SNTG1: variants seen among roughly 807,000 people sequenced by gnomAD.
SNTG1 encodes gamma-1-syntrophin.
In SNTG1, 39 loss-of-function variants were observed where a neutral mutation model predicts 74.7. The observed-to-expected ratio is 0.52, with a 90% confidence interval of 0.40 to 0.68. The LOEUF (loss-of-function observed/expected upper bound fraction) is 0.68. Ranked by LOEUF, SNTG1 falls within the 30% of genes least tolerant of loss-of-function variation. The pLI, the probability that SNTG1 is intolerant of heterozygous loss-of-function variation, is 0.00. For missense variants in SNTG1, 685 were observed against 609.5 expected (o/e 1.12, Z -1.30); for synonymous variants, 254 against 217.1 (o/e 1.17, Z -1.49).
At chr8:50,692,316 A>G (rs1241577377) in intron 15 of SNTG1, among the ~76,000 whole-genome samples, 1 of 152,098 alleles carries the variant, frequency 6.6e-6, no homozygotes, top group Non-Finnish European at 1.5e-5. Flanking sequence ...TTGGAGGAGG[A>G]GAGGCGCTCT....
chr8:50,352,272 C>G (rs182236419), intron 2 of SNTG1, among the ~76,000 whole-genome samples: 1 of 152,138 alleles, frequency 6.6e-6, no homozygotes, highest in Non-Finnish European at 1.5e-5. Flanking sequence ...TAATGTGTCC[C>G]TGTTTTAATT....
At chr8:50,510,124 AGGGTT>A (rs2094053949) in intron 9 of SNTG1, among the ~76,000 whole-genome samples, 1 of 152,114 alleles carries the variant, frequency 6.6e-6, no homozygotes, top group Non-Finnish European at 1.5e-5. Context: ...TTTAGCATGA[AGGGTT>A]GTTGAATTTT....
Position 49,986,825 on chromosome 8 carries a change from C to T in SNTG1, c.-103+74594C>T, listed in dbSNP as rs369740337. On this transcript the variant is annotated intron_variant, in intron 1 of 18. Transcript: ENST00000642720. Reference sequence around the variant, plus strand: ...GAACCCAGGAAGTCAAGGCCATGATCGTGCCACTGCACTCCACTTGGGCGT... The same window carrying T: ...GAACCCAGGAAGTCAAGGCCATGATTGTGCCACTGCACTCCACTTGGGCGT... Among the ~76,000 whole-genome samples, 19 of 152,048 alleles carry T rather than the reference C, an allele frequency of 1.2e-4. No individual in the cohort carries two copies. In the East Asian group the frequency reaches 3.7e-3, roughly 29 times the overall value.
chr8:50,036,732 G>A (rs1440853433), intron 1 of SNTG1, among the ~76,000 whole-genome samples: 1 of 152,134 alleles, frequency 6.6e-6, no homozygotes, highest in Non-Finnish European at 1.5e-5. Flanking sequence ...TGCATAAACA[G>A]GCTAAAAACC....
At chr8:50,582,674 A>G (rs1056179293) in intron 12 of SNTG1, among the ~76,000 whole-genome samples, 1 of 152,142 alleles carries the variant, frequency 6.6e-6, no homozygotes, top group African/African-American at 2.4e-5. Flanking sequence ...ATTCAAGCAT[A>G]ACATATTTTT....
At chr8:50,660,758 A>G (rs529507553) in intron 15 of SNTG1, among the ~76,000 whole-genome samples, 3 of 152,306 alleles carry the variant, frequency 2.0e-5, no homozygotes, top group South Asian at 4.1e-4. Flanking sequence ...ATAGTAGTTA[A>G]AAAGGATAAT....
intron 1 of SNTG1, among the ~76,000 whole-genome samples, chr8:49,967,574 C>T (rs776004318): frequency 2.2e-4 from 27 of 122,884 alleles, no homozygotes; most frequent in Non-Finnish European, 2.6e-4. Flanking sequence ...TGTTTTAATT[C>T]GAATTGGTTA....
chr8:50,192,252 C>A (rs1281853296), intron 2 of SNTG1, among the ~76,000 whole-genome samples: 1 of 152,084 alleles, frequency 6.6e-6, no homozygotes, highest in Non-Finnish European at 1.5e-5. Context: ...TTCCACTGGC[C>A]TGGGATGTTG....
chr8:50,650,913 C>T (rs2095141215), intron 13 of SNTG1, among the ~76,000 whole-genome samples: 1 of 152,106 alleles, frequency 6.6e-6, no homozygotes, highest in Non-Finnish European at 1.5e-5. Context: ...GTGGGCCAGG[C>T]TGGTCTCGAA....
intron 1 of SNTG1, among the ~76,000 whole-genome samples, chr8:50,133,918 G>A (rs2081390668): frequency 6.6e-6 from 1 of 152,152 alleles, no homozygotes; most frequent in Non-Finnish European, 1.5e-5. Context: ...AAACTTCAAT[G>A]TAATTAACAA....
intron 1 of SNTG1, among the ~76,000 whole-genome samples, chr8:50,067,191 G>A (rs1820971338): frequency 6.6e-6 from 1 of 152,042 alleles, no homozygotes; most frequent in South Asian, 2.1e-4. Context: ...TTACTTTTCT[G>A]TGCAAGCAAT....
intron 8 of SNTG1, among the ~76,000 whole-genome samples, chr8:50,497,132 G>A (rs2093911656): frequency 6.6e-6 from 1 of 151,768 alleles, no homozygotes. Flanking sequence ...TCTCTTTAGG[G>A]TGAGATTTTA....
intron 11 of SNTG1, among the ~76,000 whole-genome samples, chr8:50,543,962 C>T (rs2094367265): frequency 6.6e-6 from 1 of 151,956 alleles, no homozygotes; most frequent in Non-Finnish European, 1.5e-5. Context: ...TATTTGCCAT[C>T]AGTGTATCTT....
intron 1 of SNTG1, among the ~76,000 whole-genome samples, chr8:50,054,135 T>C (rs1819822024): frequency 6.6e-6 from 1 of 152,114 alleles, no homozygotes; most frequent in South Asian, 2.1e-4. Context: ...AAATCTCCAA[T>C]TTCAGCATTG....
chr8:50,541,508 T>C (rs936629463), intron 11 of SNTG1, among the ~76,000 whole-genome samples: 2 of 152,146 alleles, frequency 1.3e-5, no homozygotes, highest in Admixed American at 1.3e-4. Flanking sequence ...TATATGATAC[T>C]ATATAACCTT....
intron 11 of SNTG1, among the ~76,000 whole-genome samples, chr8:50,542,880 G>A (rs924561022): frequency 8.6e-5 from 13 of 152,016 alleles, no homozygotes; most frequent in Admixed American, 2.6e-4. Flanking sequence ...TTGACCATAC[G>A]TATGTCTTCT....
intron 2 of SNTG1, among the ~76,000 whole-genome samples, chr8:50,291,264 G>GTT (rs2089090205): frequency 6.6e-6 from 1 of 151,832 alleles, no homozygotes. Context: ...GTGTGTGTGT[G>GTT]TGTGTAGAAT....
At chr8:50,681,150 TG>T (rs1288212664) in intron 15 of SNTG1, among the ~76,000 whole-genome samples, 4 of 152,208 alleles carry the variant, frequency 2.6e-5, no homozygotes, top group Non-Finnish European at 4.4e-5. Context: ...CAAATTTGAG[TG>T]CAGAAATAAT....
At chr8:50,270,334 T>C (rs996843646) in intron 2 of SNTG1, among the ~76,000 whole-genome samples, 1 of 152,148 alleles carries the variant, frequency 6.6e-6, no homozygotes, top group Non-Finnish European at 1.5e-5. Context: ...AAACTTTCAG[T>C]CCTATCATAG....
Sources: gnomAD v4.1 joint callset for allele counts (sites outside exome capture counted in the v4.1 genomes callset) on GRCh38, gnomAD v4.1.1 for gene constraint, MANE v1.5 for transcripts, NCBI Gene and HGNC (gene_info 2026-07-23, HGNC 2026-07-21) for gene names.